KYNU: variants seen among roughly 807,000 people sequenced by gnomAD.
KYNU encodes kynureninase, also known as L-kynurenine hydrolase.
A neutral mutation model predicts 59.2 loss-of-function variants in KYNU; 54 were observed. That is an observed-to-expected ratio of 0.91 (90% confidence interval 0.73 to 1.14). The LOEUF is 1.14. KYNU is among the 50% of genes most tolerant of loss of function. The pLI is 0.00. For synonymous variants in KYNU, 177 were observed against 192.0 expected, an observed-to-expected ratio of 0.92 and a Z score of 0.65; for missense variants, 567 against 554.4, an observed-to-expected ratio of 1.02 and a Z score of -0.23.
intron 10 of KYNU, among the ~76,000 whole-genome samples, chr2:142,996,471 T>A (rs1006104756): frequency 1.3e-5 from 2 of 152,136 alleles, no homozygotes; most frequent in South Asian, 4.1e-4. Context: ...CTGGGCTGTA[T>A]TCAAAGCATT....
chr2:142,970,250 A>G (rs966033190), intron 8 of KYNU, among the ~76,000 whole-genome samples: 1 of 152,188 alleles, frequency 6.6e-6, no homozygotes, highest in Non-Finnish European at 1.5e-5. Flanking sequence ...AATCTATCTT[A>G]TGGAGGAGGG....
rs1316548351 is a variant in KYNU at position 143,042,650 on chromosome 2, A to ATGTGTG, written c.*479_*480insGTGTGT. 1 of 136,910 alleles carries ATGTGTG rather than the reference A, an allele frequency of 7.3e-6. No homozygotes were observed. The highest frequency in any genetic ancestry group is 2.8e-5 in the African/African-American group (1 of 35,482). The allele number at this position is 136,910 out of a possible 1,614,324, so 8.5% of individuals were successfully genotyped here. ...TATATATGTGTGTGTGTGTGTGTGT[A>ATGTGTG]TATATATATATATATATCATATATA... On this transcript the variant is annotated 3_prime_UTR_variant, in exon 14 of 14. Coordinates refer to ENST00000264170, the MANE Select transcript of KYNU (RefSeq NM_003937.3).
intron 1 of KYNU, among the ~76,000 whole-genome samples, chr2:142,879,071 C>T (rs1681199238): frequency 6.6e-6 from 1 of 152,162 alleles, no homozygotes; most frequent in South Asian, 2.1e-4. Context: ...TTAAGTTCTT[C>T]CTTTCAGAAT....
chr2:142,944,057 C>T (rs902803320), intron 4 of KYNU, among the ~76,000 whole-genome samples: 3 of 152,188 alleles, frequency 2.0e-5, no homozygotes, highest in Admixed American at 2.0e-4. Flanking sequence ...TGGTTAAGAT[C>T]CTCAGTCTCA....
chr2:143,032,711 T>TTGTATGTGTGTG (rs145787098), intron 11 of KYNU, among the ~76,000 whole-genome samples: 5 of 129,454 alleles, frequency 3.9e-5, no homozygotes, highest in African/African-American at 1.4e-4. Context: ...GCTCCCTCTA[T>TTGTATGTGTGTG]TGTGTGTGTG....
intron 2 of KYNU, among the ~76,000 whole-genome samples, chr2:142,917,530 G>A (rs538391648): frequency 6.6e-5 from 10 of 152,198 alleles, no homozygotes; most frequent in African/African-American, 2.4e-4. Flanking sequence ...TTGAACTCCT[G>A]GGCTCAAGTG....
intron 10 of KYNU, among the ~76,000 whole-genome samples, chr2:143,026,527 G>T (rs1457553687): frequency 6.6e-6 from 1 of 152,202 alleles, no homozygotes; most frequent in East Asian, 1.9e-4. Flanking sequence ...TGGCCACTTG[G>T]CGCTGGTAGG....
At chr2:142,972,254 G>A (rs1684747533) in intron 8 of KYNU, among the ~76,000 whole-genome samples, 1 of 152,232 alleles carries the variant, frequency 6.6e-6, no homozygotes, top group Non-Finnish European at 1.5e-5. Context: ...TTATACAATG[G>A]TTTAGGGGCT....
At chr2:142,918,810 A>G (rs1012516752) in intron 3 of KYNU, 81 bp downstream of exon 3, 5 of 1,455,902 alleles carry the variant, frequency 3.4e-6, no homozygotes, top group Non-Finnish European at 4.8e-6. Flanking sequence ...AATATTTGGA[A>G]AGATGTGTAA....
intron 2 of KYNU, among the ~76,000 whole-genome samples, chr2:142,904,314 C>T (rs1266488731): frequency 6.6e-6 from 1 of 152,200 alleles, no homozygotes; most frequent in Non-Finnish European, 1.5e-5. Flanking sequence ...TAGCAAATGT[C>T]TGTGGCACCA....
chr2:142,897,516 T>C (rs761838653), intron 2 of KYNU, among the ~76,000 whole-genome samples: 1 of 152,254 alleles, frequency 6.6e-6, no homozygotes, highest in Non-Finnish European at 1.5e-5. Flanking sequence ...TAGATGCTTA[T>C]ATTTTTCTTG....
At chr2:142,918,449 A>ATT (rs1291674149) in intron 2 of KYNU, among the ~76,000 whole-genome samples, 160 bp from the exon 3 acceptor site, 1 of 152,126 alleles carries the variant, frequency 6.6e-6, no homozygotes, top group East Asian at 1.9e-4. Flanking sequence ...GCAAAACTTA[A>ATT]TTATTTTTTA....
At chr2:142,988,276 T>C (rs920404396) in intron 10 of KYNU, among the ~76,000 whole-genome samples, 3 of 152,004 alleles carry the variant, frequency 2.0e-5, no homozygotes, top group African/African-American at 7.2e-5. Flanking sequence ...TCACTGAGAA[T>C]GTGCATAGTA....
At chr2:142,885,747 A>T (rs546110220) in intron 2 of KYNU, among the ~76,000 whole-genome samples, 1 of 152,302 alleles carries the variant, frequency 6.6e-6, no homozygotes, top group African/African-American at 2.4e-5. Context: ...TCTGAATGAA[A>T]TACATGCAGG....
intron 10 of KYNU, among the ~76,000 whole-genome samples, chr2:143,003,175 T>A (rs1422726455): frequency 6.6e-6 from 1 of 152,254 alleles, no homozygotes; most frequent in Non-Finnish European, 1.5e-5. Context: ...TGATTTTGTT[T>A]TTCTACACAA....
chr2:142,894,561 A>G (rs1021781312), intron 2 of KYNU, among the ~76,000 whole-genome samples: 1 of 152,174 alleles, frequency 6.6e-6, no homozygotes, highest in Non-Finnish European at 1.5e-5. Flanking sequence ...AGCACTTGGG[A>G]AAACTGCCTC....
At chr2:142,911,694 G>A (rs898163059) in intron 2 of KYNU, among the ~76,000 whole-genome samples, 10 of 151,958 alleles carry the variant, frequency 6.6e-5, no homozygotes, top group Admixed American at 1.3e-4. Flanking sequence ...GCCATAGATC[G>A]CTCTTATTGT....
intron 10 of KYNU, among the ~76,000 whole-genome samples, chr2:142,987,356 A>G (rs991734799): frequency 1.3e-5 from 2 of 151,876 alleles, no homozygotes; most frequent in Non-Finnish European, 2.9e-5. Context: ...AATTCTAGAG[A>G]ATGTCAGTGT....
At chr2:142,916,279 C>T (rs1227943224) in intron 2 of KYNU, among the ~76,000 whole-genome samples, 1 of 152,090 alleles carries the variant, frequency 6.6e-6, no homozygotes, top group African/African-American at 2.4e-5. Context: ...TTAACATGCC[C>T]AATCTGTGCC....
Sources: allele counts gnomAD v4.1 joint callset (sites outside exome capture counted in the v4.1 genomes callset), GRCh38; gene constraint gnomAD v4.1.1; transcripts MANE v1.5; gene names NCBI Gene and HGNC (gene_info 2026-07-23, HGNC 2026-07-21).